SLC2A14: variants seen among roughly 807,000 people sequenced by gnomAD.
The protein encoded by SLC2A14 is solute carrier family 2, facilitated glucose transporter member 14.
In SLC2A14, 13 loss-of-function variants were observed where a neutral mutation model predicts 43.0. The ratio of observed to expected loss-of-function variants is 0.30; its 90% CI spans 0.20 to 0.48. The LOEUF is 0.48. SLC2A14 is among the 20% of genes least tolerant of loss of function. The probability of loss-of-function intolerance (pLI) is 0.99; values close to 1 mark genes in which losing one functional copy is unlikely to be tolerated. For missense variants in SLC2A14, 428 were observed against 620.4 expected (o/e 0.69, Z 3.29); for synonymous variants, 190 against 233.8 (o/e 0.81, Z 1.71).
At chr12:7,861,620 TG>T (rs1397236773) in intron 2 of SLC2A14, among the ~76,000 whole-genome samples, 1 of 151,954 alleles carries the variant, frequency 6.6e-6, no homozygotes, top group Non-Finnish European at 1.5e-5. Context: ...GCCCTTCACT[TG>T]TCCCGAAAAC....
At chr12:7,831,390 A>C (rs934848481) in intron 4 of SLC2A14, 2 of 616,060 alleles carry the variant, frequency 3.2e-6, no homozygotes, top group African/African-American at 1.8e-5. Context: ...TCACTCACAC[A>C]GTTCATCTCT....
chr12:7,824,533 A>G (rs903302843), intron 7 of SLC2A14, among the ~76,000 whole-genome samples: 2 of 151,530 alleles, frequency 1.3e-5, no homozygotes, highest in African/African-American at 4.8e-5. Context: ...CAGGAGTTCG[A>G]GACCAGCCTG....
chr12:7,863,676 CAT>C (rs1944741253), intron 2 of SLC2A14, among the ~76,000 whole-genome samples: 1 of 152,018 alleles, frequency 6.6e-6, no homozygotes, highest in Admixed American at 6.6e-5. Flanking sequence ...AATTCATTGA[CAT>C]ATAAACTAAA....
chr12:7,871,370 G>A (rs924623020), intron 1 of SLC2A14: 12 of 534,820 alleles, frequency 2.2e-5, no homozygotes, highest in Middle Eastern at 6.7e-4. Context: ...GGGCAAAGAT[G>A]ACTAGGCCAC....
intron 1 of SLC2A14, among the ~76,000 whole-genome samples, chr12:7,889,771 G>C (rs978720059): frequency 1.3e-5 from 2 of 151,758 alleles, no homozygotes; most frequent in African/African-American, 4.8e-5. Flanking sequence ...CCTGACCTCA[G>C]GTGATCCACC....
At chr12:7,875,978 A>G (rs1033181225), upstream of SLC2A14, among the ~76,000 whole-genome samples, 2 of 148,812 alleles carry the variant, frequency 1.3e-5, no homozygotes, top group African/African-American at 2.5e-5. Context: ...TTCGTCCCAG[A>G]AAAAAAAAAG....
chr12:7,822,307 G>T (rs1417251676), intron 7 of SLC2A14, among the ~76,000 whole-genome samples: 1 of 151,858 alleles, frequency 6.6e-6, no homozygotes, highest in Non-Finnish European at 1.5e-5. Flanking sequence ...AATGTCCATT[G>T]TTGCTTCTAA....
intron 1 of SLC2A14, among the ~76,000 whole-genome samples, chr12:7,889,432 C>G (rs890913804): frequency 2.0e-5 from 3 of 150,890 alleles, no homozygotes; most frequent in Non-Finnish European, 4.4e-5. Context: ...ACGGGTTTCT[C>G]CATGTTGGTC....
intron 1 of SLC2A14, chr12:7,872,579 G>A (rs1945295123): frequency 4.8e-6 from 1 of 208,622 alleles, no homozygotes; most frequent in Admixed American, 6.5e-5. Flanking sequence ...GTTTGCTGTG[G>A]GATCCCAGCA....
At chr12:7,854,128 T>C (rs1422086010) in intron 2 of SLC2A14, among the ~76,000 whole-genome samples, 2 of 152,124 alleles carry the variant, frequency 1.3e-5, no homozygotes, top group East Asian at 3.8e-4. Context: ...CCTGTCTTAT[T>C]TGTATCTGGG....
intron 1 of SLC2A14, among the ~76,000 whole-genome samples, chr12:7,886,127 G>GCATGTAC (rs1945683789): frequency 7.2e-6 from 1 of 138,508 alleles, no homozygotes; most frequent in East Asian, 2.1e-4. Flanking sequence ...GGGATTACAG[G>GCATGTAC]CATGTACCAC....
chr12:7,863,294 A>G (rs1216834824), intron 2 of SLC2A14: 3 of 433,766 alleles, frequency 6.9e-6, no homozygotes, highest in East Asian at 1.6e-4. Context: ...CACCAGAAGG[A>G]AAACACTCCG....
At position 7,812,610 on chromosome 12, in the gene SLC2A14, T is replaced by C. The variant is rs918308421; in HGVS notation, c.*1706A>G. The C allele has an allele frequency of 1.3e-5, 2 of 151,854 alleles. No homozygotes were observed. Among genetic ancestry groups the C allele is most frequent in the East Asian group, 1.9e-4 (1 of 5,170 alleles). 9.4% of individuals were successfully genotyped at this position (151,854 alleles called of 1,614,324 possible). On this transcript the variant is annotated 3_prime_UTR_variant, in exon 11 of 11. Transcript: ENST00000431042. ...TATTCACAATCTTCTCAGTGAGAAATAGGAAAACAACTTCCCTGCCTTACT... is the reference window on the plus strand; with the variant it reads ...TATTCACAATCTTCTCAGTGAGAAACAGGAAAACAACTTCCCTGCCTTACT...
At chr12:7,832,923 T>C (rs1865156096) in intron 2 of SLC2A14, 109 bp from the exon 3 acceptor site, 3 of 1,034,420 alleles carry the variant, frequency 2.9e-6, no homozygotes, top group South Asian at 3.1e-5. Flanking sequence ...CTATGAGTGG[T>C]ATGAAAAGGA....
intron 2 of SLC2A14, among the ~76,000 whole-genome samples, chr12:7,850,098 T>C (rs1025862027): frequency 6.6e-6 from 1 of 151,024 alleles, no homozygotes; most frequent in African/African-American, 2.4e-5. Context: ...AAAGGCTTCT[T>C]GAAGTTGGTA....
chr12:7,858,087 C>T (rs1444110348), intron 2 of SLC2A14, among the ~76,000 whole-genome samples: 1 of 152,106 alleles, frequency 6.6e-6, no homozygotes, highest in Non-Finnish European at 1.5e-5. Context: ...GAGCCGAGAT[C>T]GTGCCACTGC....
intron 2 of SLC2A14, among the ~76,000 whole-genome samples, chr12:7,857,605 A>C (rs1048806929): frequency 3.3e-5 from 5 of 152,102 alleles, no homozygotes; most frequent in Non-Finnish European, 5.9e-5. Flanking sequence ...AAACAAAACA[A>C]ACACATATAT....
exon 1 of SLC2A14, chr12:7,891,084 A>G (rs1945769695): frequency 6.5e-7 from 1 of 1,534,788 alleles, no homozygotes; most frequent in South Asian, 1.2e-5. Flanking sequence ...TCCTTGTTTC[A>G]CACCCAGGAG....
In SLC2A14 at chr12:7,837,638, C is replaced by CAAAAAAAAAAAAAAAAAAA. The variant is rs557069415; in HGVS notation, c.19-4825_19-4824insTTTTTTTTTTTTTTTTTTT. 1.5e-4 allele frequency among the ~76,000 whole-genome samples: 8 copies of CAAAAAAAAAAAAAAAAAAA among 52,888 alleles called. 1 individual carries two copies. The highest frequency in any genetic ancestry group is 7.0e-4 in the African/African-American group (8 of 11,424). The allele number at this position is 52,888 out of a possible 152,430, so 34.7% of individuals were successfully genotyped here. A position where few individuals can be genotyped will look rare whatever the true frequency, so the allele number is the denominator to read the frequency against. ...GGGCAACAAGAGTGAAACTTCGTCT[C>CAAAAAAAAAAAAAAAAAAA]AAAAAAAAAAAAAAAAAAGATGGTT... On this transcript the variant is annotated intron_variant, in intron 2 of 10. Transcript: ENST00000431042.
Sources: allele counts gnomAD v4.1 joint callset (sites outside exome capture counted in the v4.1 genomes callset), GRCh38; gene constraint gnomAD v4.1.1; transcripts MANE v1.5; gene names NCBI Gene and HGNC (gene_info 2026-07-23, HGNC 2026-07-21).